EPHA3: variants seen among roughly 807,000 people sequenced by gnomAD.
EPHA3 encodes the protein ephrin type-A receptor 3.
Under a neutral mutation model 107.1 loss-of-function variants are expected in EPHA3, and 42 were observed. The ratio of observed to expected loss-of-function variants is 0.39; its 90% CI spans 0.31 to 0.51. The LOEUF is 0.51. EPHA3 is among the 20% of genes least tolerant of loss of function. The probability of loss-of-function intolerance (pLI) is 0.78; values close to 1 mark genes in which losing one functional copy is unlikely to be tolerated. For synonymous variants in EPHA3, 461 were observed against 424.8 expected (o/e 1.09, Z -1.05); for missense variants, 1,183 against 1,211.2 (o/e 0.98, Z 0.35).
At chr3:89,398,800 A>C (rs1275366655) in intron 6 of EPHA3, among the ~76,000 whole-genome samples, 1 of 152,194 alleles carries the variant, frequency 6.6e-6, no homozygotes, top group African/African-American at 2.4e-5. Context: ...ATAATATTCA[A>C]ATTGGGAAAT....
chr3:89,449,999 G>A lies in EPHA3; in HGVS notation c.2497-178G>A, dbSNP rs184477814. Among the ~76,000 whole-genome samples, 12 of 151,950 alleles carry A rather than the reference G, an allele frequency of 7.9e-5. No homozygotes were observed. The East Asian group carries it at 2.3e-3, about 29-fold the overall frequency. On this transcript the variant is annotated intron_variant, in intron 14 of 16. Coordinates refer to ENST00000336596, the MANE Select transcript of EPHA3 (RefSeq NM_005233.6). The stretch of plus-strand genomic sequence containing the variant: ...CAATCTTCCTTTATATAATATTTTA[G>A]GCATACATAACGTCTTATTTATTTG...
intron 2 of EPHA3, among the ~76,000 whole-genome samples, chr3:89,140,065 G>T (rs567073812): frequency 6.6e-6 from 1 of 151,802 alleles, no homozygotes; most frequent in African/African-American, 2.4e-5. Context: ...TTCCATTCTC[G>T]TGAATGTGTA....
intron 2 of EPHA3, among the ~76,000 whole-genome samples, chr3:89,152,851 G>T (rs1036475796): frequency 6.6e-6 from 1 of 152,018 alleles, no homozygotes; most frequent in African/African-American, 2.4e-5. Flanking sequence ...TTACAAACTA[G>T]CAACTAAATT....
intron 5 of EPHA3, among the ~76,000 whole-genome samples, chr3:89,372,402 T>C (rs781210459): frequency 6.6e-6 from 1 of 151,674 alleles, no homozygotes; most frequent in East Asian, 1.9e-4. Context: ...TATTCCAAGA[T>C]ATTTTTAAAA....
chr3:89,427,021 A>AAAG lies in EPHA3; in HGVS notation c.2075-2084_2075-2082dup, dbSNP rs1491186348. Among the ~76,000 whole-genome samples, 4 of 151,870 alleles carry AAAG rather than the reference A, an allele frequency of 2.6e-5. No homozygotes were observed. The South Asian group carries it at 8.3e-4, about 31-fold the overall frequency. Reference sequence around the variant, plus strand: ...CTTTCTTTTTGAATATTGTTTAATCAAAGTTTAGTTGGAATTTTGATAAAG... The same window carrying AAAG: ...CTTTCTTTTTGAATATTGTTTAATCAAAGAAGTTTAGTTGGAATTTTGATAAAG... On this transcript the variant is annotated intron_variant, in intron 11 of 16. Coordinates refer to ENST00000336596, the MANE Select transcript of EPHA3 (RefSeq NM_005233.6).
Position 89,355,827 on chromosome 3 carries a change from TA to T in EPHA3, c.1306+13738del, listed in dbSNP as rs1025723938. On this transcript the variant is annotated intron_variant, in intron 5 of 16. Transcript: ENST00000336596. ...TTAAAAATGTGAATAAATATATATATATTTTTTATTTTATTATTATTATACT... is the reference window on the plus strand; with the variant it reads ...TTAAAAATGTGAATAAATATATATATTTTTTTATTTTATTATTATTATACT... Among the ~76,000 whole-genome samples the T allele has an allele frequency of 4.9e-4, 72 of 148,388 alleles. 1 individual carries two copies. The highest frequency in any genetic ancestry group is 9.8e-4 in the East Asian group (5 of 5,124).
intron 3 of EPHA3, among the ~76,000 whole-genome samples, chr3:89,328,423 T>C (rs556906722): frequency 2.0e-5 from 3 of 152,196 alleles, no homozygotes; most frequent in Admixed American, 6.5e-5. Context: ...CTCTAAGATA[T>C]TGTTGAAGAA....
intron 1 of EPHA3, among the ~76,000 whole-genome samples, chr3:89,122,728 A>T (rs1186909657): frequency 1.3e-5 from 2 of 152,234 alleles, no homozygotes; most frequent in Admixed American, 1.3e-4. Flanking sequence ...TTCTCTAAAA[A>T]TCAAAACTCC....
chr3:89,379,481 A>G (rs1252467570), intron 5 of EPHA3, among the ~76,000 whole-genome samples: 1 of 152,196 alleles, frequency 6.6e-6, no homozygotes, highest in East Asian at 1.9e-4. Context: ...TTAATTTGTT[A>G]ACATTTTAAT....
At position 89,479,533 on chromosome 3, in the gene EPHA3, G is replaced by C. The variant is rs753022667; in HGVS notation, c.*31G>C. The C allele has an allele frequency of 6.5e-7, 1 of 1,549,998 alleles. No individual in the cohort carries two copies. Among genetic ancestry groups the C allele is most frequent in the Non-Finnish European group, 8.9e-7 (1 of 1,122,398 alleles). On this transcript the variant is annotated 3_prime_UTR_variant, in exon 17 of 17. Transcript: ENST00000336596. Reference sequence around the variant, plus strand: ...GGGACGGAAGTGCTTCTGGACGGAAGTGGTGGCTGTGGAAGGCGTAGCATC... The same window carrying C: ...GGGACGGAAGTGCTTCTGGACGGAACTGGTGGCTGTGGAAGGCGTAGCATC...
intron 3 of EPHA3, among the ~76,000 whole-genome samples, chr3:89,238,630 C>A (rs761182063): frequency 6.6e-6 from 1 of 152,122 alleles, no homozygotes; most frequent in Non-Finnish European, 1.5e-5. Context: ...TCATTTATGA[C>A]GATTTACCTG....
chr3:89,428,212 G>A (rs1709495575), intron 11 of EPHA3, among the ~76,000 whole-genome samples: 1 of 151,892 alleles, frequency 6.6e-6, no homozygotes, highest in African/African-American at 2.4e-5. Context: ...TTCCGAAAGT[G>A]ACAGCATAGT....
chr3:89,386,457 T>C (rs115820042), intron 5 of EPHA3, among the ~76,000 whole-genome samples: 2,434 of 152,262 alleles, frequency 0.016, 67 homozygotes, highest in African/African-American at 0.055. Flanking sequence ...TGGCAGCTTC[T>C]TCCTAGTGTT....
chr3:89,436,800 C>T (rs1246352284), intron 13 of EPHA3, among the ~76,000 whole-genome samples: 1 of 152,066 alleles, frequency 6.6e-6, no homozygotes, highest in African/African-American at 2.4e-5. Flanking sequence ...GCTTTCCTTC[C>T]TTATGTTCTC....
chr3:89,220,416 G>T (rs770287800), intron 3 of EPHA3, among the ~76,000 whole-genome samples: 1 of 151,974 alleles, frequency 6.6e-6, no homozygotes, highest in African/African-American at 2.4e-5. Context: ...ATTTTTTTCT[G>T]GGAGAAAGAA....
chr3:89,372,323 G>A (rs889109749), intron 5 of EPHA3, among the ~76,000 whole-genome samples: 1 of 151,682 alleles, frequency 6.6e-6, no homozygotes, highest in Non-Finnish European at 1.5e-5. Flanking sequence ...AGACTTTATA[G>A]TGTGATGGAG....
intron 2 of EPHA3, among the ~76,000 whole-genome samples, chr3:89,154,580 T>C (rs1406970148): frequency 6.6e-6 from 1 of 151,710 alleles, no homozygotes; most frequent in Non-Finnish European, 1.5e-5. Context: ...ATATTTTAAA[T>C]TGTTTGATTG....
intron 3 of EPHA3, among the ~76,000 whole-genome samples, chr3:89,319,111 G>T (rs1208602512): frequency 1.3e-5 from 2 of 151,760 alleles, no homozygotes; most frequent in Admixed American, 6.6e-5. Flanking sequence ...TTTTCTCCAG[G>T]TTCCAAAATG....
intron 5 of EPHA3, among the ~76,000 whole-genome samples, chr3:89,392,651 A>G (rs1444144159): frequency 6.6e-6 from 1 of 152,168 alleles, no homozygotes; most frequent in African/African-American, 2.4e-5. Context: ...CAAATTTAAA[A>G]AACAGAAGAA....
Sources: gnomAD v4.1 joint callset for allele counts (sites outside exome capture counted in the v4.1 genomes callset) on GRCh38, gnomAD v4.1.1 for gene constraint, MANE v1.5 for transcripts, NCBI Gene and HGNC (gene_info 2026-07-23, HGNC 2026-07-21) for gene names.